The following ZBED6 variants were observed in gnomAD, a reference collection of about 807,000 sequenced individuals.
ZBED6 encodes the protein zinc finger BED-type containing 6, also known as zinc finger BED domain-containing protein 6.
Under a neutral mutation model 58.4 loss-of-function variants are expected in ZBED6, and 40 were observed. The observed-to-expected ratio is 0.68, with a 90% CI of 0.53 to 0.89. The LOEUF (loss-of-function observed/expected upper bound fraction) is 0.89, where lower values mean the gene tolerates loss of function less well. Ranked by LOEUF, ZBED6 falls within the 40% of genes least tolerant of loss-of-function variation. The pLI, the probability that ZBED6 is intolerant of heterozygous loss-of-function variation, is 0.00. For synonymous variants in ZBED6, 439 were observed against 350.6 expected (o/e 1.25, Z -2.82); for missense variants, 1,057 against 1,003.9 (o/e 1.05, Z -0.71).
In ZBED6 at chr1:203,826,622, T is replaced by TA. The variant is rs556946946; in HGVS notation, c.*2874-1676dup. Among the ~76,000 whole-genome samples, 581 of 152,284 alleles carry TA rather than the reference T, an allele frequency of 3.8e-3. 1 individual carries two copies. Among genetic ancestry groups the TA allele is most frequent in the Non-Finnish European group, 6.2e-3 (421 of 68,000 alleles). On this transcript the variant is annotated intron_variant, in intron 3 of 16. Coordinates refer to ENST00000550078, the Ensembl canonical transcript of ZBED6. ...AGATTTTGACCTTTGCCCTTTTTGA[T>TA]ACATTTAAGCATCTTTTTGTAATGG...
chr1:203,808,345 G>C (rs1673087265), intron 1 of ZBED6, among the ~76,000 whole-genome samples: 1 of 152,068 alleles, frequency 6.6e-6, no homozygotes, highest in Non-Finnish European at 1.5e-5. Context: ...TTGTCAATCT[G>C]ATTTTTCCTG....
At chr1:203,819,225 T>A (rs12403727) in intron 3 of ZBED6, among the ~76,000 whole-genome samples, 18,579 of 150,012 alleles carry the variant, frequency 0.12, 1,522 homozygotes, top group East Asian at 0.29. Flanking sequence ...TCTTTCTTTT[T>A]ATTTTTTTTT....
intron 1 of ZBED6, chr1:203,806,110 C>G: frequency 4.0e-6 from 2 of 499,038 alleles, no homozygotes; most frequent in Admixed American, 2.3e-5. Flanking sequence ...TGTAGGACCC[C>G]CTCTCATCTT....
intron 3 of ZBED6, among the ~76,000 whole-genome samples, chr1:203,821,849 A>C (rs1431551567): frequency 1.3e-5 from 2 of 151,418 alleles, no homozygotes; most frequent in South Asian, 2.1e-4. Flanking sequence ...GCTCCGCCTC[A>C]TTGGTTCACA....
At chr1:203,820,466 T>TTGTGTGTGTGTGTGTGTGTG (rs144962991) in intron 3 of ZBED6, among the ~76,000 whole-genome samples, 19 of 136,468 alleles carry the variant, frequency 1.4e-4, no homozygotes, top group South Asian at 2.3e-4. Flanking sequence ...ATATCACAAA[T>TTGTGTGTGTGTGTGTGTGTG]TATGTGTGTG....
chr1:203,819,795 A>AAGTGCTGGGATTAC (rs1677878351), intron 3 of ZBED6, among the ~76,000 whole-genome samples: 1 of 150,064 alleles, frequency 6.7e-6, no homozygotes, highest in Non-Finnish European at 1.5e-5. Flanking sequence ...CGGCCTCCCA[A>AAGTGCTGGGATTAC]AGTGCTGGGA....
chr1:203,831,899 T>A, intron 8 of ZBED6, 128 bp downstream of exon 8: 1 of 711,414 alleles, frequency 1.4e-6, no homozygotes, highest in Non-Finnish European at 2.3e-6. Flanking sequence ...TGAGATAATC[T>A]AAAGATGAAA....
Position 203,833,789 on chromosome 1 carries a change from A to G in ZBED6, c.*3511-2A>G. On this transcript the variant is annotated splice_acceptor_variant, in intron 8 of 16. Transcript: ENST00000550078. LOFTEE classifies it low-confidence loss of function (3UTR_SPLICE). ...AGAGAAATTCTGCTTTTGCCATTTC[A>G]GGAGAAGAACCCTTGGTTAGATTGA... The G allele has an allele frequency of 6.2e-7, 1 of 1,605,776 alleles. No homozygotes were observed. Among genetic ancestry groups the G allele is most frequent in the Non-Finnish European group, 8.5e-7 (1 of 1,177,296 alleles).
chr1:203,808,009 T>TC (rs1672965016), intron 1 of ZBED6, among the ~76,000 whole-genome samples: 1 of 152,192 alleles, frequency 6.6e-6, no homozygotes, highest in African/African-American at 2.4e-5. Flanking sequence ...CTCAAAGTGC[T>TC]GGCATTACGG....
At chr1:203,799,579 C>T (rs1414412807) in exon 1 of ZBED6, 1 of 703,018 alleles carries the variant, frequency 1.4e-6, no homozygotes, top group Non-Finnish European at 2.6e-6. Context: ...ACTCTAATGA[C>T]TTATGTTTGT....
chr1:203,803,175 TA>T (rs759895196), intron 1 of ZBED6, among the ~76,000 whole-genome samples, 159 bp downstream of exon 1: 3 of 152,138 alleles, frequency 2.0e-5, no homozygotes, highest in Non-Finnish European at 4.4e-5. Flanking sequence ...GATGGAAACA[TA>T]TTTTTTTCTT....
intron 1 of ZBED6, chr1:203,805,528 G>T (rs1480678912): frequency 1.9e-6 from 1 of 524,770 alleles, no homozygotes; most frequent in Non-Finnish European, 3.8e-6. Context: ...TTCAAAGAAA[G>T]GACAGAAACG....
Position 203,837,955 on chromosome 1 carries a change from C to G in ZBED6, c.*3574-11C>G. On this transcript the variant is annotated splice_polypyrimidine_tract_variant and intron_variant, in intron 9 of 16. Transcript: ENST00000550078. ...ACTTGAAATCTTAAACTAAGTTCTC[C>G]CTCTTTATAGGCGGTGACAGTGATC... 1 of 1,603,544 alleles carries G rather than the reference C, an allele frequency of 6.2e-7. No homozygotes were observed. Among genetic ancestry groups the G allele is most frequent in the African/African-American group, 1.3e-5 (1 of 74,398 alleles).
At chr1:203,831,101 C>T (rs1378456327) in intron 7 of ZBED6, among the ~76,000 whole-genome samples, 5 of 151,722 alleles carry the variant, frequency 3.3e-5, no homozygotes, top group Non-Finnish European at 4.4e-5. Context: ...TGCGCCACCA[C>T]GCCTGGGTAA....
intron 3 of ZBED6, among the ~76,000 whole-genome samples, chr1:203,823,772 T>C (rs557596475): frequency 6.6e-6 from 1 of 152,366 alleles, no homozygotes; most frequent in South Asian, 2.1e-4. Flanking sequence ...CAGAATTGCT[T>C]ATTGTAGCAA....
intron 2 of ZBED6, 109 bp from the exon 3 acceptor site, chr1:203,818,461 C>T: frequency 7.0e-7 from 1 of 1,432,528 alleles, no homozygotes; most frequent in Non-Finnish European, 9.6e-7. Flanking sequence ...CCTTACCAGT[C>T]CTTTCTTACT....
intron 8 of ZBED6, 84 bp from the exon 9 acceptor site, chr1:203,833,707 C>T: frequency 1.0e-6 from 1 of 989,676 alleles, no homozygotes; most frequent in Non-Finnish European, 1.4e-6. Flanking sequence ...ACACTAATAT[C>T]AGAACATACT....
chr1:203,829,226 T>G, intron 4 of ZBED6: 1 of 577,076 alleles, frequency 1.7e-6, no homozygotes. Context: ...GTTGATTCTG[T>G]TTTGAGTGCC....
intron 7 of ZBED6, among the ~76,000 whole-genome samples, chr1:203,830,709 T>C (rs1382567087): frequency 1.3e-5 from 2 of 151,888 alleles, no homozygotes; most frequent in African/African-American, 4.8e-5. Context: ...CTCGGGAGGC[T>C]GAGGCATGAG....
Sources: gnomAD v4.1 joint callset for allele counts (sites outside exome capture counted in the v4.1 genomes callset) on GRCh38, gnomAD v4.1.1 for gene constraint, MANE v1.5 for transcripts, NCBI Gene and HGNC (gene_info 2026-07-23, HGNC 2026-07-21) for gene names.